The following FAM184A variants were observed in gnomAD, a reference collection of about 807,000 sequenced individuals.
FAM184A encodes family with sequence similarity 184 member A.
A neutral mutation model predicts 143.8 loss-of-function variants in FAM184A; 99 were observed. That is an observed-to-expected ratio of 0.69 (90% CI 0.58 to 0.81). The LOEUF is 0.81. FAM184A is among the 40% of genes least tolerant of loss of function. The pLI, the probability that FAM184A is intolerant of heterozygous loss-of-function variation, is 0.00. For synonymous variants in FAM184A, 427 were observed against 446.4 expected (o/e 0.96, Z 0.55); for missense variants, 1,217 against 1,310.5 (o/e 0.93, Z 1.10).
intron 6 of FAM184A, among the ~76,000 whole-genome samples, chr6:119,010,223 G>C (rs1339380093): frequency 1.3e-5 from 2 of 152,174 alleles, no homozygotes; most frequent in Non-Finnish European, 2.9e-5. Flanking sequence ...ACAATCCGTA[G>C]TTATCTGCTT....
rs141324895 is a variant in FAM184A at position 118,996,257 on chromosome 6, T to G, written c.2088+6642A>C. ...ATAAGTGTGATAAAAGAGGATATAATGTAGCCAAAGTAATAATGTCATTCA... is the reference window on the plus strand; with the variant it reads ...ATAAGTGTGATAAAAGAGGATATAAGGTAGCCAAAGTAATAATGTCATTCA... On this transcript the variant is annotated intron_variant, in intron 9 of 17. Transcript: ENST00000338891. Among the ~76,000 whole-genome samples the G allele has an allele frequency of 9.4e-3, 1,439 of 152,324 alleles. 24 individuals are homozygous for G. Among genetic ancestry groups the G allele is most frequent in the Middle Eastern group, 0.058 (17 of 294 alleles).
At chr6:119,131,604 G>A (rs887501526) in intron 1 of FAM184A, among the ~76,000 whole-genome samples, 9 of 152,194 alleles carry the variant, frequency 5.9e-5, no homozygotes, top group Middle Eastern at 6.8e-3. Context: ...CCCTACCACA[G>A]CCTCCTGACT....
rs200433019 is a variant in FAM184A at position 119,078,168 on chromosome 6, C to T, written c.132G>A (p.Met44Ile). ...TGGTGAGCTGGGCGATTTTCTTGCT[C>T]ATTTTCAGGTGCATCTCCTGGCTGT... ...MDYSQEMHLK[M>I]SKKIAQLTKV... The change falls in exon 1 of 18, where the codon ATG becomes ATA. Residue 44 changes from methionine (M) to isoleucine (I), a missense_variant. Physicochemically the swap from Met to Ile is conservative, Grantham distance 10 (BLOSUM62 1). Transcript: ENST00000338891. This position sits in a 1 kb window ranked among gnomAD's most constrained non-coding sequence, Gnocchi z 5.5. 2.5e-4 allele frequency: 402 copies of T among 1,593,340 alleles called. No homozygotes were observed. The highest frequency in any genetic ancestry group is 3.4e-4 in the Non-Finnish European group (394 of 1,171,606).
intron 1 of FAM184A, among the ~76,000 whole-genome samples, chr6:119,030,068 A>G (rs1197240516): frequency 6.6e-6 from 1 of 152,196 alleles, no homozygotes; most frequent in Non-Finnish European, 1.5e-5. Context: ...TCTTTCCACT[A>G]CCACTCATAC....
intron 9 of FAM184A, among the ~76,000 whole-genome samples, chr6:118,999,312 A>T (rs1321179774): frequency 6.6e-6 from 1 of 152,166 alleles, no homozygotes; most frequent in Admixed American, 6.5e-5. Context: ...AAGTCATATT[A>T]AGCTTCCTAA....
At chr6:119,143,902 G>A (rs76870200) in intron 1 of FAM184A, among the ~76,000 whole-genome samples, 3,913 of 152,146 alleles carry the variant, frequency 0.026, 82 homozygotes, top group Non-Finnish European at 0.043. Context: ...TGATTAAGAT[G>A]GTAAATTTTA....
intron 5 of FAM184A, among the ~76,000 whole-genome samples, chr6:119,015,820 G>T (rs1266034244): frequency 6.6e-6 from 1 of 152,232 alleles, no homozygotes; most frequent in South Asian, 2.1e-4. Flanking sequence ...GAGTCTTTAT[G>T]TCTAGCTCAG....
rs746709255 is a variant in FAM184A, at chr6:119,006,570, T to C, written c.1692A>G (p.Gln564=). ...HLQDMVRKSE[Q]GLGSAEGLIA... The stretch of plus-strand genomic sequence containing the variant: ...TAAGTCCTTCTGCAGAGCCAAGACC[T>C]TGTTCACTTTTCCTTACCATATCTT... Residue 564 remains glutamine, a synonymous_variant, in exon 7 of 18, where the codon CAA becomes CAG. Transcript: ENST00000338891. 3.1e-6 allele frequency: 5 copies of C among 1,613,206 alleles called. No individual in the cohort carries two copies. The Admixed American group carries it at 8.3e-5, about 27-fold the overall frequency.
rs201458809 is a variant in FAM184A, at chr6:118,985,580, T to C, written c.2089-5230A>G. Among the ~76,000 whole-genome samples the C allele has an allele frequency of 2.6e-5, 4 of 151,954 alleles. No individual in the cohort carries two copies. In the East Asian group the frequency reaches 7.7e-4, roughly 29 times the overall value. ...CCTTTTAATAACCACATAGACTTCC[T>C]AGGGCTGGCACTGTCCCTCACTTCT... On this transcript the variant is annotated intron_variant, in intron 9 of 17. Coordinates refer to ENST00000338891, the MANE Select transcript of FAM184A (RefSeq NM_024581.6).
chr6:119,006,787 AG>A (rs1437831099), intron 6 of FAM184A, among the ~76,000 whole-genome samples, 179 bp from the exon 7 acceptor site: 1 of 152,212 alleles, frequency 6.6e-6, no homozygotes, highest in Non-Finnish European at 1.5e-5. Flanking sequence ...TGTTTTGAAA[AG>A]ACTTTCACAT....
At chr6:119,139,628 T>C (rs758798769) in intron 1 of FAM184A, among the ~76,000 whole-genome samples, 17 of 144,574 alleles carry the variant, frequency 1.2e-4, no homozygotes, top group Non-Finnish European at 1.5e-4. Flanking sequence ...TACGTTCTCA[T>C]AATGTTGTAT....
intron 1 of FAM184A, among the ~76,000 whole-genome samples, chr6:119,089,171 T>C (rs889950187): frequency 6.7e-6 from 1 of 148,382 alleles, no homozygotes; most frequent in East Asian, 1.9e-4. Context: ...TTTTTTTTTT[T>C]AATTATCTCT....
At chr6:119,008,425 C>T (rs1016849096) in intron 6 of FAM184A, among the ~76,000 whole-genome samples, 5 of 152,148 alleles carry the variant, frequency 3.3e-5, no homozygotes, top group African/African-American at 1.2e-4. Context: ...CCACGTATAC[C>T]TCAGGGAATA....
At chr6:118,972,952 G>C (rs1783738948) in intron 14 of FAM184A, among the ~76,000 whole-genome samples, 1 of 152,064 alleles carries the variant, frequency 6.6e-6, no homozygotes, top group Non-Finnish European at 1.5e-5. Flanking sequence ...GCTCATACTT[G>C]GCCCAAAAGG....
intron 1 of FAM184A, among the ~76,000 whole-genome samples, chr6:119,148,865 A>G (rs1772545412): frequency 6.6e-6 from 1 of 151,666 alleles, no homozygotes; most frequent in African/African-American, 2.4e-5. Context: ...GAAAATCTTG[A>G]TCTTATTTTG....
intron 9 of FAM184A, among the ~76,000 whole-genome samples, chr6:118,996,617 T>A (rs1480738570): frequency 6.6e-6 from 1 of 152,196 alleles, no homozygotes; most frequent in Non-Finnish European, 1.5e-5. Flanking sequence ...CTTGCTTTCC[T>A]GACGGCTAGA....
chr6:119,125,907 G>C (rs1364470291), intron 1 of FAM184A, among the ~76,000 whole-genome samples: 2 of 152,208 alleles, frequency 1.3e-5, no homozygotes, highest in Non-Finnish European at 2.9e-5. Context: ...TTTCAGTGTA[G>C]AGGGTCTATT....
At chr6:119,147,007 G>A (rs1331836810) in intron 1 of FAM184A, among the ~76,000 whole-genome samples, 3 of 151,590 alleles carry the variant, frequency 2.0e-5, no homozygotes, top group Non-Finnish European at 4.4e-5. Context: ...ATAGAGCCAG[G>A]GCCCCAAACC....
chr6:119,014,196 G>A lies in FAM184A; in HGVS notation c.1530+2551C>T, dbSNP rs575852910. ...AAGATGCAAAACATTACTGTAGTATGTGGTACATAGTAAGAAGTACTAATA... is the reference window on the plus strand; with the variant it reads ...AAGATGCAAAACATTACTGTAGTATATGGTACATAGTAAGAAGTACTAATA... On this transcript the variant is annotated intron_variant, in intron 5 of 17. Coordinates refer to ENST00000338891, the MANE Select transcript of FAM184A (RefSeq NM_024581.6). Among the ~76,000 whole-genome samples the A allele has an allele frequency of 2.6e-5, 4 of 152,356 alleles. No homozygotes were observed. In the South Asian group the frequency reaches 8.3e-4, roughly 32 times the overall value.
Sources: gnomAD v4.1 joint callset for allele counts (sites outside exome capture counted in the v4.1 genomes callset) on GRCh38, gnomAD v4.1.1 for gene constraint, Gnocchi (gnomAD v3.1) non-coding constraint, MANE v1.5 for transcripts, NCBI Gene and HGNC (gene_info 2026-07-23, HGNC 2026-07-21) for gene names.